IQCM: variants seen among roughly 807,000 people sequenced by gnomAD.
IQCM encodes the protein IQ domain-containing protein M.
IQCM carries 45 observed loss-of-function variants against 57.6 expected under a neutral mutation model. The observed-to-expected ratio is 0.78, with a 90% CI of 0.62 to 1.00. The LOEUF (loss-of-function observed/expected upper bound fraction) is 1.00. Among genes scored for constraint, IQCM ranks in the 50% least tolerant of loss-of-function variants. The probability of loss-of-function intolerance (pLI) is 0.00; values close to 1 mark genes in which losing one functional copy is unlikely to be tolerated. For synonymous variants in IQCM, 148 were observed against 158.9 expected (o/e 0.93, Z 0.51); for missense variants, 468 against 511.6 (o/e 0.91, Z 0.82).
At chr4:149,442,922 C>CAA (rs1353327633) in intron 12 of IQCM, among the ~76,000 whole-genome samples, 1 of 143,610 alleles carries the variant, frequency 7.0e-6, no homozygotes, top group African/African-American at 2.6e-5. Flanking sequence ...GGCTATCTCT[C>CAA]AATACACACA....
chr4:149,648,324 C>T (rs534947014), intron 7 of IQCM, among the ~76,000 whole-genome samples: 38 of 152,182 alleles, frequency 2.5e-4, no homozygotes, highest in African/African-American at 8.2e-4. Context: ...TGGTAGTTTG[C>T]TGAGAATGAT....
At chr4:149,634,084 A>G (rs2150100759) in intron 7 of IQCM, among the ~76,000 whole-genome samples, 1 of 152,020 alleles carries the variant, frequency 6.6e-6, no homozygotes, top group East Asian at 1.9e-4. Context: ...ATCTCGGCTC[A>G]CTGCAAACTC....
chr4:149,410,865 G>A (rs144728123), intron 13 of IQCM, among the ~76,000 whole-genome samples: 1 of 152,218 alleles, frequency 6.6e-6, no homozygotes, highest in African/African-American at 2.4e-5. Flanking sequence ...CAGGATAGAT[G>A]TTATTGATTG....
intron 5 of IQCM, among the ~76,000 whole-genome samples, chr4:149,687,262 G>A (rs1422648216): frequency 6.6e-6 from 1 of 151,520 alleles, no homozygotes; most frequent in Non-Finnish European, 1.5e-5. Flanking sequence ...TATTCAAAAT[G>A]TACGTTCAGA....
At chr4:149,764,547 G>T (rs779792909) in intron 2 of IQCM, among the ~76,000 whole-genome samples, 13 of 152,092 alleles carry the variant, frequency 8.5e-5, no homozygotes, top group Non-Finnish European at 1.9e-4. Flanking sequence ...AAGCATCACC[G>T]TCTGGCCCCT....
intron 2 of IQCM, among the ~76,000 whole-genome samples, chr4:149,752,344 G>A (rs1415998024): frequency 6.6e-6 from 1 of 152,136 alleles, no homozygotes; most frequent in Non-Finnish European, 1.5e-5. Context: ...CTGAAGTCAG[G>A]AGTTCGAGAC....
intron 12 of IQCM, among the ~76,000 whole-genome samples, chr4:149,489,657 G>A (rs969855552): frequency 9.2e-5 from 14 of 151,778 alleles, no homozygotes; most frequent in African/African-American, 3.1e-4. Flanking sequence ...AAACAGAAAC[G>A]TTAATTACAG....
chr4:149,471,862 G>A (rs544463837), intron 12 of IQCM, among the ~76,000 whole-genome samples: 3 of 152,054 alleles, frequency 2.0e-5, no homozygotes, highest in African/African-American at 7.2e-5. Context: ...CAGAACCAAA[G>A]ACAAAAACCA....
chr4:149,800,784 G>A (rs1300071686), intron 2 of IQCM, among the ~76,000 whole-genome samples: 1 of 151,730 alleles, frequency 6.6e-6, no homozygotes, highest in Non-Finnish European at 1.5e-5. Flanking sequence ...TCAAAGAAGT[G>A]AAAGATCTCT....
Position 149,769,555 on chromosome 4 carries a change from T to TA in IQCM, c.-48-26817dup, listed in dbSNP as rs111979315. Among the ~76,000 whole-genome samples, 452 of 129,266 alleles carry TA rather than the reference T, an allele frequency of 3.5e-3. 2 individuals carry two copies. The highest frequency in any genetic ancestry group is 0.02 in the East Asian group (94 of 4,656). 84.8% of individuals were successfully genotyped at this position (129,266 alleles called of 152,430 possible). ...CCCAAAATGTACAATGCTCTATAGC[T>TA]AAAAAAAAAAAAAGTTTAAAAGTAA... On this transcript the variant is annotated intron_variant, in intron 2 of 13. Transcript: ENST00000636793.
At chr4:149,655,553 C>A (rs777511360) in intron 7 of IQCM, among the ~76,000 whole-genome samples, 11 of 152,064 alleles carry the variant, frequency 7.2e-5, no homozygotes, top group Non-Finnish European at 1.6e-4. Context: ...AGTGGGGAAT[C>A]ATACAAAATG....
At chr4:149,772,042 G>A (rs1203495412) in intron 2 of IQCM, among the ~76,000 whole-genome samples, 4 of 152,084 alleles carry the variant, frequency 2.6e-5, no homozygotes, top group African/African-American at 9.7e-5. Context: ...CAACAACATG[G>A]TCACCTTGCC....
chr4:149,781,337 G>T (rs1308826319), intron 2 of IQCM, among the ~76,000 whole-genome samples: 1 of 152,116 alleles, frequency 6.6e-6, no homozygotes, highest in Non-Finnish European at 1.5e-5. Flanking sequence ...GTTTTGAGTA[G>T]CATGATGAAA....
At chr4:149,448,693 T>A (rs2111385252) in intron 12 of IQCM, among the ~76,000 whole-genome samples, 1 of 151,948 alleles carries the variant, frequency 6.6e-6, no homozygotes, top group Middle Eastern at 3.4e-3. Context: ...GACAGAGGAA[T>A]ATTATAAACA....
At chr4:149,365,268 G>A (rs1248934345) in intron 13 of IQCM, among the ~76,000 whole-genome samples, 1 of 151,992 alleles carries the variant, frequency 6.6e-6, no homozygotes, top group East Asian at 1.9e-4. Flanking sequence ...AGACACAGGA[G>A]CCAACCTGAA....
chr4:149,363,513 T>C (rs1342910673), intron 13 of IQCM, among the ~76,000 whole-genome samples: 1 of 152,158 alleles, frequency 6.6e-6, no homozygotes, highest in Non-Finnish European at 1.5e-5. Context: ...TATCTACATA[T>C]ATATATGTAT....
At chr4:149,416,219 T>A (rs934914685) in intron 13 of IQCM, among the ~76,000 whole-genome samples, 4 of 152,068 alleles carry the variant, frequency 2.6e-5, no homozygotes, top group African/African-American at 9.7e-5. Flanking sequence ...TCTCTCTCTG[T>A]CTGTCTCCCT....
At chr4:149,735,238 C>G (rs565748981) in intron 4 of IQCM, 138 bp downstream of exon 4, 6 of 404,190 alleles carry the variant, frequency 1.5e-5, no homozygotes, top group Admixed American at 8.9e-5. Flanking sequence ...AGCTAGTGAG[C>G]ATTTCATTTT....
chr4:149,361,926 C>T (rs957911416), intron 13 of IQCM, among the ~76,000 whole-genome samples: 6 of 152,130 alleles, frequency 3.9e-5, no homozygotes, highest in Admixed American at 3.9e-4. Flanking sequence ...ACACTCAATA[C>T]CAGCCTGTGA....
Sources: allele counts gnomAD v4.1 joint callset (sites outside exome capture counted in the v4.1 genomes callset), GRCh38; gene constraint gnomAD v4.1.1; transcripts MANE v1.5; gene names NCBI Gene and HGNC (gene_info 2026-07-23, HGNC 2026-07-21).